The following ADARB2 variants were observed in gnomAD, a reference collection of about 807,000 sequenced individuals.
The protein encoded by ADARB2 is inactive double-stranded RNA-specific editase B2.
Under a neutral mutation model 62.2 loss-of-function variants are expected in ADARB2, and 25 were observed. The observed-to-expected ratio is 0.40, with a 90% CI of 0.29 to 0.56. ADARB2 has a LOEUF of 0.56. ADARB2 is among the 20% of genes least tolerant of loss of function. The probability of loss-of-function intolerance (pLI) is 0.43; values close to 1 mark genes in which losing one functional copy is unlikely to be tolerated. For synonymous variants in ADARB2, 572 were observed against 500.8 expected, an observed-to-expected ratio of 1.14 and a Z score of -1.90; for missense variants, 1,071 against 1,077.4, an observed-to-expected ratio of 0.99 and a Z score of 0.08.
At chr10:1,340,111 T>C (rs889257747) in intron 3 of ADARB2, among the ~76,000 whole-genome samples, 3 of 147,416 alleles carry the variant, frequency 2.0e-5, no homozygotes, top group Non-Finnish European at 4.5e-5. Context: ...ATAACCGGCA[T>C]CCACCAGAGA....
intron 4 of ADARB2, among the ~76,000 whole-genome samples, chr10:1,250,824 A>G (rs1245964148): frequency 6.6e-6 from 1 of 152,218 alleles, no homozygotes; most frequent in East Asian, 1.9e-4. Context: ...GCTGGAGACA[A>G]GCCCTAGTGT....
intron 1 of ADARB2, among the ~76,000 whole-genome samples, chr10:1,633,637 C>A (rs1833877841): frequency 7.5e-6 from 1 of 133,468 alleles, no homozygotes; most frequent in Non-Finnish European, 1.7e-5. Flanking sequence ...ATCTATCCAT[C>A]CATCTATCAT....
chr10:1,532,092 T>C (rs1832250880), intron 1 of ADARB2, among the ~76,000 whole-genome samples: 1 of 152,166 alleles, frequency 6.6e-6, no homozygotes, highest in Non-Finnish European at 1.5e-5. Context: ...GAAGAGGTAA[T>C]TATTGGTGCT....
At chr10:1,293,545 G>A (rs1194787088) in intron 3 of ADARB2, among the ~76,000 whole-genome samples, 1 of 152,194 alleles carries the variant, frequency 6.6e-6, no homozygotes, top group Non-Finnish European at 1.5e-5. Flanking sequence ...CATTCTCGCT[G>A]GAAAGGCTCA....
intron 1 of ADARB2, among the ~76,000 whole-genome samples, chr10:1,636,157 G>A (rs183582795): frequency 3.5e-4 from 53 of 152,236 alleles, no homozygotes; most frequent in African/African-American, 1.2e-3. Context: ...AGTTGAGGGG[G>A]GTGCAAGACA....
At chr10:1,312,967 T>C (rs1589189230) in intron 3 of ADARB2, among the ~76,000 whole-genome samples, 1 of 151,946 alleles carries the variant, frequency 6.6e-6, no homozygotes, top group Admixed American at 6.6e-5. Context: ...AGGAGAGGGG[T>C]GGGAAGATGT....
chr10:1,204,880 T>C (rs1231704893), intron 7 of ADARB2, among the ~76,000 whole-genome samples: 2 of 152,220 alleles, frequency 1.3e-5, no homozygotes, highest in Non-Finnish European at 2.9e-5. Flanking sequence ...AGCTGTGTTG[T>C]GTTCAAAGGT....
At chr10:1,439,617 T>C (rs1307159363) in intron 1 of ADARB2, among the ~76,000 whole-genome samples, 1 of 121,656 alleles carries the variant, frequency 8.2e-6, no homozygotes, top group African/African-American at 2.9e-5. Flanking sequence ...CCCTTCATGA[T>C]GGGGCTCCTG....
chr10:1,650,884 G>A (rs1332399231), intron 1 of ADARB2, among the ~76,000 whole-genome samples: 3 of 152,172 alleles, frequency 2.0e-5, no homozygotes, highest in East Asian at 1.9e-4. Context: ...AAAACCCCGC[G>A]TGTCCGAGAT....
chr10:1,732,328 A>AC (rs1554739403), intron 1 of ADARB2, among the ~76,000 whole-genome samples: 24 of 146,862 alleles, frequency 1.6e-4, no homozygotes, highest in African/African-American at 2.8e-4. Context: ...AAAAAAAAAA[A>AC]AATTTCCTTT....
chr10:1,532,978 C>G (rs967414028), intron 1 of ADARB2, among the ~76,000 whole-genome samples: 1 of 152,160 alleles, frequency 6.6e-6, no homozygotes, highest in African/African-American at 2.4e-5. Context: ...GGGGAGGAAC[C>G]GCATCCTGTG....
At chr10:1,660,679 G>A (rs1171815847) in intron 1 of ADARB2, among the ~76,000 whole-genome samples, 1 of 152,140 alleles carries the variant, frequency 6.6e-6, no homozygotes, top group East Asian at 1.9e-4. Context: ...TAGCAGAGTT[G>A]GATCCAGTGT....
At chr10:1,718,099 A>G (rs1395247052) in intron 1 of ADARB2, among the ~76,000 whole-genome samples, 1 of 152,198 alleles carries the variant, frequency 6.6e-6, no homozygotes, top group Non-Finnish European at 1.5e-5. Context: ...GGAGGAAACC[A>G]AGAGGCACAA....
intron 1 of ADARB2, among the ~76,000 whole-genome samples, chr10:1,492,362 G>T (rs368181641): frequency 6.6e-6 from 1 of 152,158 alleles, no homozygotes; most frequent in Non-Finnish European, 1.5e-5. Flanking sequence ...ACCCCACTGC[G>T]GTAGAGTGGG....
intron 1 of ADARB2, among the ~76,000 whole-genome samples, chr10:1,425,017 G>T (rs1832883092): frequency 6.6e-6 from 1 of 152,210 alleles, no homozygotes; most frequent in South Asian, 2.1e-4. Flanking sequence ...CGTAACAGAA[G>T]AGTGAGTCTC....
chr10:1,471,394 A>ATT, intron 1 of ADARB2, among the ~76,000 whole-genome samples: 1 of 145,942 alleles, frequency 6.9e-6, no homozygotes, highest in South Asian at 2.2e-4. Flanking sequence ...CCTTTGTACA[A>ATT]TTTTTTTTTT....
chr10:1,328,137 G>A (rs184634708), intron 3 of ADARB2, among the ~76,000 whole-genome samples: 20 of 152,362 alleles, frequency 1.3e-4, no homozygotes, highest in African/African-American at 2.9e-4. Context: ...GAGAGGCAGC[G>A]CAGGCTCCGG....
chr10:1,343,051 G>T (rs1832044658), intron 3 of ADARB2, among the ~76,000 whole-genome samples: 1 of 152,212 alleles, frequency 6.6e-6, no homozygotes, highest in Non-Finnish European at 1.5e-5. Flanking sequence ...CAAGGAGAAA[G>T]AATGGAGCAT....
At chr10:1,697,816 C>A (rs141651842) in intron 1 of ADARB2, among the ~76,000 whole-genome samples, 51 of 152,292 alleles carry the variant, frequency 3.3e-4, no homozygotes, top group African/African-American at 1.2e-3. Flanking sequence ...TGTCATCCCC[C>A]AAATGCCCCG....
Sources: allele counts gnomAD v4.1 joint callset (sites outside exome capture counted in the v4.1 genomes callset), GRCh38; gene constraint gnomAD v4.1.1; transcripts MANE v1.5; gene names NCBI Gene and HGNC (gene_info 2026-07-23, HGNC 2026-07-21).